CSMD1: variants seen among roughly 807,000 people sequenced by gnomAD.
CSMD1 encodes the protein CUB and sushi domain-containing protein 1.
Under a neutral mutation model 417.5 loss-of-function variants are expected in CSMD1, and 213 were observed. The observed-to-expected ratio is 0.51, with a 90% CI of 0.46 to 0.57. The LOEUF is 0.57. CSMD1 is among the 20% of genes least tolerant of loss of function. CSMD1 has a pLI of 0.00. For synonymous variants in CSMD1, 2,862 were observed against 1,736.8 expected (o/e 1.65, Z -16.11); for missense variants, 6,923 against 4,529.7 (o/e 1.53, Z -15.17).
At chr8:3,256,182 G>T (rs1800637039) in intron 26 of CSMD1, among the ~76,000 whole-genome samples, 1 of 151,942 alleles carries the variant, frequency 6.6e-6, no homozygotes, top group African/African-American at 2.4e-5. Flanking sequence ...ATAAAAATTA[G>T]CTGGGCGTGG....
intron 37 of CSMD1, among the ~76,000 whole-genome samples, chr8:3,164,799 G>A (rs1444872874): frequency 6.6e-6 from 1 of 152,100 alleles, no homozygotes; most frequent in South Asian, 2.1e-4. Context: ...GAAATGAAAA[G>A]TGAAACATTA....
At chr8:4,152,382 A>G (rs1229636420) in intron 3 of CSMD1, among the ~76,000 whole-genome samples, 2 of 152,210 alleles carry the variant, frequency 1.3e-5, no homozygotes, top group African/African-American at 4.8e-5. Flanking sequence ...TAATGTTTTT[A>G]AAATCCCTTA....
chr8:4,234,753 C>T (rs1585070298), intron 3 of CSMD1, among the ~76,000 whole-genome samples: 1 of 152,142 alleles, frequency 6.6e-6, no homozygotes, highest in Non-Finnish European at 1.5e-5. Context: ...GTCGTGGCTG[C>T]TCCCAGAACA....
chr8:4,837,116 T>A (rs1401855643), intron 1 of CSMD1, among the ~76,000 whole-genome samples: 1 of 152,084 alleles, frequency 6.6e-6, no homozygotes, highest in Non-Finnish European at 1.5e-5. Context: ...GTAATCTGAT[T>A]TCTAATAGAT....
chr8:3,658,702 G>C (rs1464960183), intron 7 of CSMD1, among the ~76,000 whole-genome samples: 1 of 151,994 alleles, frequency 6.6e-6, no homozygotes, highest in Non-Finnish European at 1.5e-5. Flanking sequence ...GGAAACACTT[G>C]AACGCAGGAG....
At chr8:4,374,491 G>C (rs1488560059) in intron 3 of CSMD1, among the ~76,000 whole-genome samples, 3 of 152,116 alleles carry the variant, frequency 2.0e-5, no homozygotes, top group African/African-American at 7.2e-5. Context: ...CTACTGGCAG[G>C]AGTGAGGAGA....
intron 18 of CSMD1, among the ~76,000 whole-genome samples, chr8:3,370,306 G>T (rs547011054): frequency 1.3e-5 from 2 of 152,186 alleles, no homozygotes; most frequent in African/African-American, 2.4e-5. Flanking sequence ...AGGAAATGGA[G>T]TCACCAGAGC....
At chr8:4,469,775 C>T (rs972468696) in intron 2 of CSMD1, among the ~76,000 whole-genome samples, 1 of 152,070 alleles carries the variant, frequency 6.6e-6, no homozygotes, top group African/African-American at 2.4e-5. Flanking sequence ...ATATGCCAGG[C>T]GACAGCACTC....
chr8:4,650,048 G>A (rs559166753), intron 1 of CSMD1, among the ~76,000 whole-genome samples: 30 of 152,260 alleles, frequency 2.0e-4, no homozygotes, highest in Non-Finnish European at 3.2e-4. Flanking sequence ...ACAGCTTTAC[G>A]TGTGAATATG....
chr8:2,974,161 G>A (rs753927725), intron 56 of CSMD1, among the ~76,000 whole-genome samples: 29 of 152,048 alleles, frequency 1.9e-4, no homozygotes, highest in Non-Finnish European at 3.7e-4. Context: ...AATAAAGAGC[G>A]AACAGGGACA....
At chr8:3,668,502 G>A (rs1441993127) in intron 7 of CSMD1, among the ~76,000 whole-genome samples, 1 of 152,182 alleles carries the variant, frequency 6.6e-6, no homozygotes, top group South Asian at 2.1e-4. Context: ...AACGGAGAGA[G>A]TTTGTCTGAC....
At chr8:3,173,333 A>G (rs888202089) in intron 37 of CSMD1, among the ~76,000 whole-genome samples, 1 of 152,186 alleles carries the variant, frequency 6.6e-6, no homozygotes, top group African/African-American at 2.4e-5. Flanking sequence ...GTGATGTAAG[A>G]CAGAAGCCAG....
chr8:3,706,633 C>T (rs376788723), intron 7 of CSMD1, among the ~76,000 whole-genome samples: 5 of 152,196 alleles, frequency 3.3e-5, no homozygotes, highest in Admixed American at 3.3e-4. Flanking sequence ...CTCAATCTTA[C>T]AGTAGCAGAA....
intron 7 of CSMD1, among the ~76,000 whole-genome samples, chr8:3,648,067 C>G (rs994022172): frequency 9.9e-5 from 15 of 152,202 alleles, no homozygotes; most frequent in African/African-American, 3.4e-4. Flanking sequence ...AGATGGAGGA[C>G]AGATGGATGG....
At chr8:3,284,404 T>G in intron 25 of CSMD1, 58 bp from the exon 26 acceptor site, 1 of 1,346,128 alleles carries the variant, frequency 7.4e-7, no homozygotes, top group South Asian at 1.2e-5. Context: ...CCTGACCCCA[T>G]AGCTGTAAAG....
chr8:4,935,701 G>T (rs566263710), intron 1 of CSMD1, among the ~76,000 whole-genome samples: 12 of 152,096 alleles, frequency 7.9e-5, no homozygotes, highest in African/African-American at 2.4e-4. Context: ...GTTCTTGTTA[G>T]GATTGAGGAA....
At chr8:4,637,238 G>C (rs1802876131) in intron 2 of CSMD1, 104 bp downstream of exon 2, 2 of 1,035,424 alleles carry the variant, frequency 1.9e-6, no homozygotes, top group Non-Finnish European at 2.8e-6. Flanking sequence ...CCACCGGAAG[G>C]AACCAACTCC....
At chr8:3,188,774 AGAGAGAGG>A in intron 35 of CSMD1, 105 bp downstream of exon 35, 1 of 920,310 alleles carries the variant, frequency 1.1e-6, no homozygotes. Flanking sequence ...AAAGGAAAAA[AGAGAGAGG>A]GAGAGAGAGA....
intron 4 of CSMD1, among the ~76,000 whole-genome samples, chr8:4,022,471 G>A (rs1335959167): frequency 6.6e-6 from 1 of 152,108 alleles, no homozygotes; most frequent in Non-Finnish European, 1.5e-5. Context: ...TTGCAGCCTT[G>A]CTCAGGTTTA....
Sources: allele counts gnomAD v4.1 joint callset (sites outside exome capture counted in the v4.1 genomes callset), GRCh38; gene constraint gnomAD v4.1.1; transcripts MANE v1.5; gene names NCBI Gene and HGNC (gene_info 2026-07-23, HGNC 2026-07-21).